Variants in PTPN13 observed in about 807,000 individuals in gnomAD.
PTPN13 encodes tyrosine-protein phosphatase non-receptor type 13.
PTPN13 carries 191 observed loss-of-function variants against 284.0 expected under a neutral mutation model. That is an observed-to-expected ratio of 0.67 (90% confidence interval 0.60 to 0.76). The LOEUF (loss-of-function observed/expected upper bound fraction) is 0.76. Ranked by LOEUF, PTPN13 falls within the 30% of genes least tolerant of loss-of-function variation. PTPN13 has a pLI of 0.00. For missense variants in PTPN13, 2,797 were observed against 2,939.9 expected (o/e 0.95, Z 1.12); for synonymous variants, 986 against 1,022.3 (o/e 0.96, Z 0.68).
chr4:86,708,284 A>G (rs1360679206), intron 7 of PTPN13, among the ~76,000 whole-genome samples: 1 of 152,190 alleles, frequency 6.6e-6, no homozygotes, highest in Non-Finnish European at 1.5e-5. Flanking sequence ...AGTTGAGGAA[A>G]GAGTGGCTTT....
intron 2 of PTPN13, among the ~76,000 whole-genome samples, chr4:86,642,002 T>G: frequency 6.6e-6 from 1 of 152,194 alleles, no homozygotes; most frequent in African/African-American, 2.4e-5. Flanking sequence ...TTTGTCTGTC[T>G]TCTTCTGTAG....
At chr4:86,728,038 G>T (rs190168458) in intron 10 of PTPN13, among the ~76,000 whole-genome samples, 2 of 149,708 alleles carry the variant, frequency 1.3e-5, no homozygotes, top group Non-Finnish European at 3.0e-5. Context: ...TGGTTTCAAA[G>T]AACATCTTTA....
At chr4:86,699,465 G>A (rs761483824) in intron 6 of PTPN13, among the ~76,000 whole-genome samples, 14 of 152,002 alleles carry the variant, frequency 9.2e-5, no homozygotes, top group Non-Finnish European at 1.5e-4. Context: ...CAACAGCTCC[G>A]GTTTTCCTGG....
intron 15 of PTPN13, among the ~76,000 whole-genome samples, chr4:86,738,694 C>CT (rs1299040127): frequency 6.6e-6 from 1 of 151,870 alleles, no homozygotes; most frequent in Non-Finnish European, 1.5e-5. Flanking sequence ...AACATTGACT[C>CT]TTTTTTTTAA....
At position 86,785,302 on chromosome 4, in the gene PTPN13, G is replaced by A; in HGVS notation, c.6190G>A (p.Val2064Ile). The change falls in exon 39 of 48, where the codon GTT (valine) becomes ATT (isoleucine). Residue 2064 changes from valine (V) to isoleucine (I), a missense_variant. By Grantham distance (29) the Val-to-Ile change is conservative. Coordinates refer to ENST00000411767, the MANE Select transcript of PTPN13 (RefSeq NM_080683.3). ...TGAAGTTATCCAGTCTCTGCTGGAT[G>A]TTGTGGATGAGGAAGCCCAGAATCT... is the stretch of plus-strand genomic sequence containing the variant. ...EAEVIQSLLD[V>I]VDEEAQNLLN... 6.2e-7 allele frequency: 1 copy of A among 1,608,584 alleles called. No individual in the cohort carries two copies. Among genetic ancestry groups the A allele is most frequent in the Non-Finnish European group, 8.5e-7 (1 of 1,175,868 alleles).
At position 86,708,806 on chromosome 4, in the gene PTPN13, T is replaced by C. The variant is rs185760988; in HGVS notation, c.1195+7005T>C. On this transcript the variant is annotated intron_variant, in intron 7 of 47. Coordinates refer to ENST00000411767, the MANE Select transcript of PTPN13 (RefSeq NM_080683.3). The stretch of plus-strand genomic sequence containing the variant: ...AGCCATTTACCAATGTTCCATCACC[T>C]GAACAGGATAAAATTCTAGCTCCTT... Among the ~76,000 whole-genome samples the C allele has an allele frequency of 4.4e-4, 67 of 152,204 alleles. 1 individual carries two copies. In the East Asian group the frequency reaches 0.011, roughly 26 times the overall value.
rs759197804 is a variant in PTPN13 at position 86,805,301 on chromosome 4, T to C, written c.6677T>C (p.Leu2226Ser). The change falls in exon 44 of 48, where the codon TTG (leucine) becomes TCG (serine). Residue 2226 changes from leucine to serine, a missense_variant. Physicochemically the swap from Leu to Ser is moderately radical, Grantham distance 145. Coordinates refer to ENST00000411767, the MANE Select transcript of PTPN13 (RefSeq NM_080683.3). Reference protein sequence around the residue: ...ELENLQELKPLDQCLIGQTKE... With the variant: ...ELENLQELKPSDQCLIGQTKE... ...CAGAATCTTCAAGAATTAAAACCTT[T>C]GGATCAGTGTCTAATTGGGCAAACT... The C allele has an allele frequency of 6.3e-7, 1 of 1,597,266 alleles. No individual in the cohort carries two copies. The highest frequency in any genetic ancestry group is 8.6e-7 in the Non-Finnish European group (1 of 1,167,918).
chr4:86,737,618 T>C (rs1299171875), intron 15 of PTPN13, among the ~76,000 whole-genome samples: 1 of 151,852 alleles, frequency 6.6e-6, no homozygotes, highest in East Asian at 1.9e-4. Flanking sequence ...CTACCTGTAA[T>C]CCTTAGCAAC....
chr4:86,703,534 A>C (rs1731390780), intron 7 of PTPN13, among the ~76,000 whole-genome samples: 2 of 152,160 alleles, frequency 1.3e-5, no homozygotes, highest in African/African-American at 4.8e-5. Flanking sequence ...GAGTATTTAA[A>C]AGGCTGAATG....
At chr4:86,720,323 T>C (rs1733510229) in intron 9 of PTPN13, among the ~76,000 whole-genome samples, 1 of 152,152 alleles carries the variant, frequency 6.6e-6, no homozygotes, top group Admixed American at 6.5e-5. Context: ...TTTTGATTGT[T>C]TCCAGATTTT....
At position 86,724,477 on chromosome 4, in the gene PTPN13, C is replaced by T. The variant is rs370864431; in HGVS notation, c.1608+2043C>T. Among the ~76,000 whole-genome samples the T allele has an allele frequency of 2.6e-5, 4 of 152,314 alleles. No homozygotes were observed. The East Asian group carries it at 5.8e-4, about 22-fold the overall frequency. The stretch of plus-strand genomic sequence containing the variant: ...CATGCCACTGTGATATGTCATCTCG[C>T]TAAAAACCTGTTTCCTTTTTTAGGC... On this transcript the variant is annotated intron_variant, in intron 10 of 47. Coordinates refer to ENST00000411767, the MANE Select transcript of PTPN13 (RefSeq NM_080683.3).
intron 43 of PTPN13, among the ~76,000 whole-genome samples, chr4:86,804,401 A>G (rs1744428714): frequency 6.6e-6 from 1 of 152,202 alleles, no homozygotes; most frequent in East Asian, 1.9e-4. Flanking sequence ...CTTTGTAGCC[A>G]CTAAAAGGAG....
intron 2 of PTPN13, among the ~76,000 whole-genome samples, chr4:86,647,117 G>A (rs1954004219): frequency 6.6e-6 from 1 of 152,132 alleles, no homozygotes; most frequent in Non-Finnish European, 1.5e-5. Context: ...GAAACTTTTA[G>A]AGGTGATGGA....
At chr4:86,768,436 C>T (rs1739578932) in intron 28 of PTPN13, among the ~76,000 whole-genome samples, 1 of 152,090 alleles carries the variant, frequency 6.6e-6, no homozygotes, top group African/African-American at 2.4e-5. Flanking sequence ...TTGGACAGAT[C>T]ACTAATTGGT....
At chr4:86,716,504 T>C (rs368315560) in intron 7 of PTPN13, 26 bp from the exon 8 acceptor site, 18 of 1,396,156 alleles carry the variant, frequency 1.3e-5, no homozygotes, top group African/African-American at 1.4e-5. Flanking sequence ...GTTTGCTTTC[T>C]AATCTTTTTG....
chr4:86,814,601 C>T lies in PTPN13; in HGVS notation c.*50C>T, dbSNP rs1266857905. ...TTCCATTTCTCTCCTTAACCTCCAG[C>T]AGACTCCTGCTCTCTATCCAAAATA... is the stretch of plus-strand genomic sequence containing the variant. On this transcript the variant is annotated 3_prime_UTR_variant, in exon 48 of 48. Coordinates refer to ENST00000411767, the MANE Select transcript of PTPN13 (RefSeq NM_080683.3). 7.1e-7 allele frequency: 1 copy of T among 1,417,806 alleles called. No homozygotes were observed. Among genetic ancestry groups the T allele is most frequent in the African/African-American group, 1.4e-5 (1 of 70,632 alleles). The allele number at this position is 1,417,806 out of a possible 1,614,324, so 87.8% of individuals were successfully genotyped here.
intron 9 of PTPN13, 59 bp downstream of exon 9, chr4:86,717,176 TG>T (rs1733126831): frequency 8.0e-7 from 1 of 1,246,762 alleles, no homozygotes; most frequent in Non-Finnish European, 1.1e-6. Flanking sequence ...GTTTTTTATT[TG>T]AATTAAATGG....
intron 3 of PTPN13, among the ~76,000 whole-genome samples, chr4:86,681,819 TC>T (rs1418411882): frequency 6.6e-6 from 1 of 151,722 alleles, no homozygotes; most frequent in Admixed American, 6.6e-5. Flanking sequence ...TCCCAGCTAC[TC>T]AAGAGGCTGA....
intron 10 of PTPN13, among the ~76,000 whole-genome samples, chr4:86,724,898 A>G (rs370934357): frequency 6.6e-6 from 1 of 151,802 alleles, no homozygotes; most frequent in African/African-American, 2.4e-5. Flanking sequence ...GACATGTGCC[A>G]TGTTGGTTTG....
Sources: allele counts gnomAD v4.1 joint callset (sites outside exome capture counted in the v4.1 genomes callset), GRCh38; gene constraint gnomAD v4.1.1; transcripts MANE v1.5; gene names NCBI Gene and HGNC (gene_info 2026-07-23, HGNC 2026-07-21).